Variants in ERBB4 observed in about 807,000 individuals in gnomAD.
ERBB4 encodes receptor tyrosine-protein kinase erbB-4.
Under a neutral mutation model 158.0 loss-of-function variants are expected in ERBB4, and 42 were observed. The ratio of observed to expected loss-of-function variants is 0.27; its 90% CI spans 0.21 to 0.34. ERBB4 has a LOEUF of 0.34. ERBB4 is among the 10% of genes least tolerant of loss of function. ERBB4 has a pLI of 1.00. For missense variants in ERBB4, 1,333 were observed against 1,624.1 expected (o/e 0.82, Z 3.08); for synonymous variants, 583 against 558.7 (o/e 1.04, Z -0.61).
At position 211,611,691 on chromosome 2, in the gene ERBB4, T is replaced by A. The variant is rs975421099; in HGVS notation, c.2301+7486A>T. On this transcript the variant is annotated intron_variant, in intron 19 of 27. Coordinates refer to ENST00000342788, the MANE Select transcript of ERBB4 (RefSeq NM_005235.3). ...TTCATCCTTGTATTCTCACTCTTAC[T>A]GAAACAGAAAATAAAATAGAGAGGT... 7.2e-5 allele frequency among the ~76,000 whole-genome samples: 11 copies of A among 152,212 alleles called. No homozygotes were observed. The East Asian group carries it at 1.5e-3, about 21-fold the overall frequency.
At chr2:211,468,072 A>G (rs1340505439) in intron 20 of ERBB4, among the ~76,000 whole-genome samples, 2 of 152,182 alleles carry the variant, frequency 1.3e-5, no homozygotes, top group African/African-American at 4.8e-5. Context: ...AGAAAAAGAC[A>G]TGTAATTAGA....
chr2:211,616,828 G>C (rs764032792), intron 19 of ERBB4, among the ~76,000 whole-genome samples: 5 of 152,100 alleles, frequency 3.3e-5, no homozygotes, highest in Non-Finnish European at 7.4e-5. Context: ...ATCCACAAGA[G>C]AAAAGGCACA....
intron 13 of ERBB4, among the ~76,000 whole-genome samples, chr2:211,673,957 T>C (rs958886152): frequency 1.3e-5 from 2 of 152,154 alleles, no homozygotes; most frequent in Admixed American, 6.6e-5. Flanking sequence ...AACTTTCTAA[T>C]TGAAATCTCC....
At chr2:212,268,631 C>T (rs1326525705) in intron 1 of ERBB4, among the ~76,000 whole-genome samples, 2 of 151,720 alleles carry the variant, frequency 1.3e-5, no homozygotes, top group Non-Finnish European at 2.9e-5. Flanking sequence ...GCTTACTAGG[C>T]CATATAATGT....
chr2:211,441,734 G>A (rs2125454666), intron 20 of ERBB4, among the ~76,000 whole-genome samples: 1 of 152,112 alleles, frequency 6.6e-6, no homozygotes, highest in Middle Eastern at 3.4e-3. Flanking sequence ...CCATGTCAGT[G>A]CTCTGCTGTC....
intron 2 of ERBB4, among the ~76,000 whole-genome samples, chr2:212,070,467 T>C (rs930093034): frequency 1.3e-5 from 2 of 152,080 alleles, no homozygotes; most frequent in Admixed American, 6.6e-5. Flanking sequence ...TAAGACAATG[T>C]GGTAGTGTCA....
At chr2:211,659,754 G>T (rs1276504603) in intron 15 of ERBB4, among the ~76,000 whole-genome samples, 1 of 152,074 alleles carries the variant, frequency 6.6e-6, no homozygotes, top group Non-Finnish European at 1.5e-5. Context: ...AGGAGCTAGA[G>T]GGAGAAAAAA....
chr2:211,767,879 C>T (rs1315684698), intron 4 of ERBB4, among the ~76,000 whole-genome samples: 1 of 152,112 alleles, frequency 6.6e-6, no homozygotes, highest in African/African-American at 2.4e-5. Context: ...GTCTCATGAC[C>T]TCACATTTCA....
chr2:212,218,786 T>G (rs2083188973), intron 1 of ERBB4, among the ~76,000 whole-genome samples: 1 of 151,446 alleles, frequency 6.6e-6, no homozygotes. Flanking sequence ...TAGGTTTGTG[T>G]GCATCAGAAA....
intron 19 of ERBB4, among the ~76,000 whole-genome samples, chr2:211,569,312 T>C (rs6735769): frequency 0.3 from 46,071 of 152,116 alleles, 9,348 homozygotes; most frequent in African/African-American, 0.58. Flanking sequence ...AAATTCCATC[T>C]TTATGATATT....
chr2:212,180,782 C>T (rs2081834421), intron 1 of ERBB4, among the ~76,000 whole-genome samples: 1 of 151,682 alleles, frequency 6.6e-6, no homozygotes, highest in Non-Finnish European at 1.5e-5. Flanking sequence ...GCCTCATTTG[C>T]AAATTCAACT....
intron 1 of ERBB4, among the ~76,000 whole-genome samples, chr2:212,171,285 A>G (rs1258731126): frequency 2.6e-5 from 4 of 151,206 alleles, no homozygotes; most frequent in Non-Finnish European, 5.9e-5. Context: ...CACTTATCCA[A>G]TGCCCATACC....
chr2:211,964,734 GT>G (rs1275154767), intron 2 of ERBB4, among the ~76,000 whole-genome samples: 3 of 152,100 alleles, frequency 2.0e-5, no homozygotes, highest in African/African-American at 7.2e-5. Flanking sequence ...GAAAGTGTTA[GT>G]GTACAAAAAG....
At chr2:212,322,399 T>C (rs983328212) in intron 1 of ERBB4, among the ~76,000 whole-genome samples, 1 of 149,464 alleles carries the variant, frequency 6.7e-6, no homozygotes, top group Non-Finnish European at 1.5e-5. Flanking sequence ...AAAATTGCCT[T>C]TCTCTTAAAA....
intron 1 of ERBB4, among the ~76,000 whole-genome samples, chr2:212,280,690 T>C (rs2106148041): frequency 6.6e-6 from 1 of 151,760 alleles, no homozygotes; most frequent in Admixed American, 6.6e-5. Context: ...CACACTGAAG[T>C]AGATTCCAGA....
intron 2 of ERBB4, among the ~76,000 whole-genome samples, chr2:212,035,877 A>G (rs763571602): frequency 1.3e-5 from 2 of 152,220 alleles, no homozygotes; most frequent in African/African-American, 2.4e-5. Context: ...AAAATTGCCA[A>G]TCACTTGAAT....
intron 25 of ERBB4, among the ~76,000 whole-genome samples, chr2:211,401,731 C>T (rs16846071): frequency 0.021 from 3,213 of 152,006 alleles, 73 homozygotes; most frequent in African/African-American, 0.055. Context: ...GGAAAGAAAG[C>T]AGCCAGGTTA....
At chr2:211,603,936 T>G (rs1380042797) in intron 19 of ERBB4, among the ~76,000 whole-genome samples, 1 of 152,256 alleles carries the variant, frequency 6.6e-6, no homozygotes, top group Non-Finnish European at 1.5e-5. Flanking sequence ...CAGCTTTCCA[T>G]GAATTGTTCA....
At chr2:212,373,940 CATATATATATCAT>C (rs1560146876) in intron 1 of ERBB4, among the ~76,000 whole-genome samples, 2 of 60,730 alleles carry the variant, frequency 3.3e-5, no homozygotes, top group Admixed American at 1.5e-4. Flanking sequence ...CATATATATC[CATATATATATCAT>C]ATATATATCC....
Sources: gnomAD v4.1 joint callset for allele counts (sites outside exome capture counted in the v4.1 genomes callset) on GRCh38, gnomAD v4.1.1 for gene constraint, MANE v1.5 for transcripts, NCBI Gene and HGNC (gene_info 2026-07-23, HGNC 2026-07-21) for gene names.